ALAD: variants seen among roughly 807,000 people sequenced by gnomAD.
ALAD encodes delta-aminolevulinic acid dehydratase.
ALAD carries 20 observed loss-of-function variants against 44.4 expected under a neutral mutation model. That is an observed-to-expected ratio of 0.45 (90% CI 0.32 to 0.65). The LOEUF is 0.65. Among genes scored for constraint, ALAD ranks in the 30% least tolerant of loss-of-function variants. The pLI is 0.05. For synonymous variants in ALAD, 156 were observed against 167.9 expected (o/e 0.93, Z 0.55); for missense variants, 323 against 445.7 (o/e 0.72, Z 2.48).
chr9:113,387,238 T>C lies in ALAD; in HGVS notation c.*1062A>G, dbSNP rs1324646230. The C allele has an allele frequency of 6.6e-6, 1 of 152,244 alleles. No homozygotes were observed. Among genetic ancestry groups the C allele is most frequent in the Non-Finnish European group, 1.5e-5 (1 of 68,082 alleles). The allele number at this position is 152,244 out of a possible 1,614,324, so 9.4% of individuals were successfully genotyped here. A position where few individuals can be genotyped will look rare whatever the true frequency, so the allele number is the denominator to read the frequency against. ...CAACTCCTCCCTCTCCCTGGAATGCTCTTCCCCAATTGTCTTAGCTTGATG... is the reference window on the plus strand; with the variant it reads ...CAACTCCTCCCTCTCCCTGGAATGCCCTTCCCCAATTGTCTTAGCTTGATG... On this transcript the variant is annotated 3_prime_UTR_variant, in exon 12 of 12. Coordinates refer to ENST00000409155, the MANE Select transcript of ALAD (RefSeq NM_000031.6).
chr9:113,389,064 A>G lies in ALAD; in HGVS notation c.844T>C (p.Phe282Leu), dbSNP rs202188395. The G allele has an allele frequency of 1.2e-6, 2 of 1,613,938 alleles. No individual in the cohort carries two copies. The highest frequency in any genetic ancestry group is 4.5e-5 in the East Asian group (2 of 44,882). The change falls in exon 11 of 12, where the codon TTT becomes CTT. Residue 282 changes from phenylalanine (F) to leucine (L), a missense_variant. Phe to Leu is a conservative substitution (Grantham distance 22, BLOSUM62 0). Coordinates refer to ENST00000409155, the MANE Select transcript of ALAD (RefSeq NM_000031.6). ...PLAVYHVSGEFAMLWHGAQAG... is the reference protein window; with the variant it reads ...PLAVYHVSGELAMLWHGAQAG... ...TGGGCTCCATGCCACAGCATGGCAA[A>G]CTCTCCAGAGACGTGGTACACGGCG...
chr9:113,390,549 C>A, intron 6 of ALAD, 44 bp downstream of exon 6: 1 of 1,613,926 alleles, frequency 6.2e-7, no homozygotes, highest in Non-Finnish European at 8.5e-7. Flanking sequence ...CACTCTGCCA[C>A]CTCCTGACCC....
At chr9:113,394,031 C>T (rs1222238920) in intron 1 of ALAD, among the ~76,000 whole-genome samples, 3 of 151,184 alleles carry the variant, frequency 2.0e-5, no homozygotes, top group Non-Finnish European at 2.9e-5. Context: ...CTTGACCTCC[C>T]GGGCTCAACT....
intron 2 of ALAD, chr9:113,392,425 T>C: frequency 9.1e-7 from 1 of 1,104,634 alleles, no homozygotes; most frequent in Non-Finnish European, 1.2e-6. Context: ...AATTAAGTGG[T>C]TAAGAACTTG....
chr9:113,391,353 T>C (rs575419014), intron 4 of ALAD, among the ~76,000 whole-genome samples, 174 bp downstream of exon 4: 122 of 152,230 alleles, frequency 8.0e-4, no homozygotes, highest in Non-Finnish European at 1.6e-3. Context: ...TACAGGCACA[T>C]ACCCCCACAC....
In ALAD at chr9:113,386,990, T is replaced by G. The variant is rs1480866877; in HGVS notation, c.*1310A>C. Reference sequence around the variant, plus strand: ...TCCCCACTGTCCCCGCTCCAGTCCATGCCATCAAGACTTTTCATTTGCACT... The same window carrying G: ...TCCCCACTGTCCCCGCTCCAGTCCAGGCCATCAAGACTTTTCATTTGCACT... On this transcript the variant is annotated 3_prime_UTR_variant, in exon 12 of 12. Coordinates refer to ENST00000409155, the MANE Select transcript of ALAD (RefSeq NM_000031.6). The G allele has an allele frequency of 6.6e-6, 1 of 152,320 alleles. No individual in the cohort carries two copies. Among genetic ancestry groups the G allele is most frequent in the Non-Finnish European group, 1.5e-5 (1 of 68,096 alleles). The allele number at this position is 152,320 out of a possible 1,614,324, so 9.4% of individuals were successfully genotyped here.
chr9:113,399,542 AGG>A (rs965081221), intron 1 of ALAD, among the ~76,000 whole-genome samples: 1 of 152,192 alleles, frequency 6.6e-6, no homozygotes, highest in East Asian at 1.9e-4. Flanking sequence ...GTGCTGTCAG[AGG>A]GACTGTGTCT....
At chr9:113,392,432 C>A in intron 2 of ALAD, 1 of 1,038,074 alleles carries the variant, frequency 9.6e-7, no homozygotes, top group Non-Finnish European at 1.3e-6. Context: ...TGGTTAAGAA[C>A]TTGGACTCTG....
rs1827494643 is a variant in ALAD at position 113,389,116 on chromosome 9, A to G, written c.802-10T>C. On this transcript the variant is annotated splice_polypyrimidine_tract_variant and intron_variant, in intron 10 of 11. Transcript: ENST00000409155. ...GAGGGAGGTCAGGGTGCTGCAGGGA[A>G]GCAGACAGGGAGACAGGCTGAAATG... The G allele has an allele frequency of 1.2e-6, 2 of 1,613,826 alleles. No homozygotes were observed. The highest frequency in any genetic ancestry group is 3.3e-5 in the Admixed American group (2 of 59,994).
intron 4 of ALAD, among the ~76,000 whole-genome samples, 172 bp downstream of exon 4, chr9:113,391,354 AC>A (rs1827578574): frequency 6.6e-6 from 1 of 151,742 alleles, no homozygotes; most frequent in Non-Finnish European, 1.5e-5. Flanking sequence ...ACAGGCACAT[AC>A]CCCCACACCC....
chr9:113,389,938 T>TGGTC (rs1465717227), intron 7 of ALAD, 110 bp from the exon 8 acceptor site: 56 of 1,339,444 alleles, frequency 4.2e-5, no homozygotes, highest in Non-Finnish European at 5.7e-5. Context: ...GCCTGTGTTC[T>TGGTC]GGTCCTGTTG....
chr9:113,398,805 GTACT>G (rs1337165980), intron 1 of ALAD, among the ~76,000 whole-genome samples: 1 of 152,130 alleles, frequency 6.6e-6, no homozygotes, highest in Non-Finnish European at 1.5e-5. Flanking sequence ...ATTGTAAGAG[GTACT>G]TAATAAGTGG....
chr9:113,392,155 T>A lies in ALAD; in HGVS notation c.128A>T (p.Asp43Val). The A allele has an allele frequency of 6.2e-7, 1 of 1,613,980 alleles. No homozygotes were observed. The highest frequency in any genetic ancestry group is 8.5e-7 in the Non-Finnish European group (1 of 1,179,978). ...TGGGAGGCTGGTGATAGGCTGTATG[T>A]CATCAGGAACATCCCTGCAAGAGCG... ...YPIFVTDVPDDIQPITSLPGV... is the reference protein window; with the variant it reads ...YPIFVTDVPDVIQPITSLPGV... The change falls in exon 3 of 12, where the codon GAC (aspartate) becomes GTC (valine). Residue 43 changes from aspartate to valine, a missense_variant. Coordinates refer to ENST00000409155, the MANE Select transcript of ALAD (RefSeq NM_000031.6).
intron 1 of ALAD, among the ~76,000 whole-genome samples, chr9:113,399,778 G>C (rs554498577): frequency 3.3e-5 from 5 of 152,056 alleles, no homozygotes; most frequent in Non-Finnish European, 7.4e-5. Context: ...GTGGGTCTTC[G>C]CACAGAGGCT....
rs767016856 is a variant in ALAD, at chr9:113,388,369, G to T, written c.932-8C>A. ...TGATGATGATGTCAGCACCTGTGTT[G>T]GGAGAGATGCAGAAAGTTGCTGGGG... On this transcript the variant is annotated splice_region_variant and splice_polypyrimidine_tract_variant and intron_variant, in intron 11 of 11. Transcript: ENST00000409155. The T allele has an allele frequency of 2.5e-6, 4 of 1,613,744 alleles. No homozygotes were observed. The African/African-American group carries it at 4.0e-5, about 16-fold the overall frequency.
chr9:113,392,476 C>G, intron 2 of ALAD: 1 of 562,816 alleles, frequency 1.8e-6, no homozygotes, highest in Non-Finnish European at 2.7e-6. Flanking sequence ...ATCCCAGCCA[C>G]TTACTGCCTG....
chr9:113,391,445 C>A lies in ALAD; in HGVS notation c.261+82G>T, dbSNP rs1010066311. On this transcript the variant is annotated intron_variant, in intron 4 of 11. Transcript: ENST00000409155. ...TCTCAAAATCCTGGGCTCAAGTGATCCACCCACTTTGGCCTCCCAAAGTGC... is the reference window on the plus strand; with the variant it reads ...TCTCAAAATCCTGGGCTCAAGTGATACACCCACTTTGGCCTCCCAAAGTGC... 6.6e-6 allele frequency: 8 copies of A among 1,205,880 alleles called. No individual in the cohort carries two copies. In the African/African-American group the frequency reaches 1.2e-4, roughly 18 times the overall value. The allele number at this position is 1,205,880 out of a possible 1,614,324, so 74.7% of individuals were successfully genotyped here.
chr9:113,391,159 C>T (rs941355031), intron 4 of ALAD, among the ~76,000 whole-genome samples: 12 of 152,204 alleles, frequency 7.9e-5, no homozygotes, highest in African/African-American at 2.9e-4. Context: ...AGTGAGGGTG[C>T]AGTCAGTGTG....
intron 4 of ALAD, 104 bp from the exon 5 acceptor site, chr9:113,391,037 T>C: frequency 1.4e-6 from 2 of 1,465,198 alleles, no homozygotes; most frequent in Non-Finnish European, 1.9e-6. Flanking sequence ...CCTTCCTTCA[T>C]CATCACAGCC....
Sources: gnomAD v4.1 joint callset for allele counts (sites outside exome capture counted in the v4.1 genomes callset) on GRCh38, gnomAD v4.1.1 for gene constraint, MANE v1.5 for transcripts, NCBI Gene and HGNC (gene_info 2026-07-23, HGNC 2026-07-21) for gene names.